The following TRAPPC9 variants were observed in gnomAD, a reference collection of about 807,000 sequenced individuals.
TRAPPC9 encodes the protein IKK2 binding protein.
Under a neutral mutation model 124.0 loss-of-function variants are expected in TRAPPC9, and 83 were observed. That is an observed-to-expected ratio of 0.67 (90% CI 0.56 to 0.80). The LOEUF (loss-of-function observed/expected upper bound fraction) is 0.80. Ranked by LOEUF, TRAPPC9 falls within the 30% of genes least tolerant of loss-of-function variation. TRAPPC9 has a pLI of 0.00. For synonymous variants in TRAPPC9, 638 were observed against 617.5 expected (o/e 1.03, Z -0.49); for missense variants, 1,302 against 1,508.3 (o/e 0.86, Z 2.27).
intron 21 of TRAPPC9, among the ~76,000 whole-genome samples, chr8:139,738,215 G>A (rs1009602692): frequency 5.3e-5 from 8 of 152,340 alleles, no homozygotes; most frequent in African/African-American, 1.7e-4. Context: ...ACGGCAGCCC[G>A]TGGTAGGGGG....
chr8:140,151,854 A>T (rs950108576), intron 17 of TRAPPC9, among the ~76,000 whole-genome samples: 1 of 152,130 alleles, frequency 6.6e-6, no homozygotes, highest in Admixed American at 6.5e-5. Flanking sequence ...TCAAATCTTT[A>T]CCACAACCCT....
intron 21 of TRAPPC9, among the ~76,000 whole-genome samples, chr8:139,780,891 GA>G (rs542922861): frequency 1.1e-4 from 16 of 151,806 alleles, no homozygotes; most frequent in South Asian, 2.1e-4. Flanking sequence ...AAAAAAGAGG[GA>G]AAAAAAGGCA....
At chr8:139,811,869 A>G (rs1213167985) in intron 21 of TRAPPC9, among the ~76,000 whole-genome samples, 1 of 152,222 alleles carries the variant, frequency 6.6e-6, no homozygotes, top group Non-Finnish European at 1.5e-5. Context: ...TCTTTCCTGG[A>G]AAAGCACTAG....
intron 21 of TRAPPC9, among the ~76,000 whole-genome samples, chr8:139,817,614 G>A (rs962901797): frequency 5.9e-5 from 9 of 152,306 alleles, no homozygotes; most frequent in Admixed American, 2.6e-4. Flanking sequence ...GGCAGCAGGC[G>A]CCACGTGGCT....
chr8:140,128,141 G>A (rs2061132208), intron 17 of TRAPPC9, among the ~76,000 whole-genome samples: 1 of 152,162 alleles, frequency 6.6e-6, no homozygotes, highest in Admixed American at 6.5e-5. Context: ...CAATACCAAA[G>A]GCAACAAATG....
intron 17 of TRAPPC9, among the ~76,000 whole-genome samples, chr8:140,205,774 A>C (rs1230652798): frequency 6.6e-6 from 1 of 152,174 alleles, no homozygotes; most frequent in African/African-American, 2.4e-5. Flanking sequence ...CCCCTCCTAC[A>C]GTCTCCATCT....
chr8:140,138,867 T>G (rs2061342939), intron 17 of TRAPPC9, among the ~76,000 whole-genome samples: 1 of 152,016 alleles, frequency 6.6e-6, no homozygotes, highest in Non-Finnish European at 1.5e-5. Context: ...TCAACCCTGA[T>G]CTAGGGAGTG....
At chr8:140,147,269 C>A (rs1458971829) in intron 17 of TRAPPC9, among the ~76,000 whole-genome samples, 1 of 152,246 alleles carries the variant, frequency 6.6e-6, no homozygotes, top group Non-Finnish European at 1.5e-5. Context: ...TGGCAAGAAC[C>A]TCTTTCGATG....
At chr8:140,066,413 T>C (rs983951954) in intron 17 of TRAPPC9, among the ~76,000 whole-genome samples, 3 of 152,090 alleles carry the variant, frequency 2.0e-5, no homozygotes, top group South Asian at 2.1e-4. Context: ...AGAATGGCGA[T>C]TGTGCTGTGT....
At chr8:140,219,598 G>C (rs771826145) in intron 17 of TRAPPC9, among the ~76,000 whole-genome samples, 1 of 152,042 alleles carries the variant, frequency 6.6e-6, no homozygotes, top group Non-Finnish European at 1.5e-5. Flanking sequence ...CTTATAACCC[G>C]CAGCCCAGAA....
At chr8:139,812,974 A>T (rs728369) in intron 21 of TRAPPC9, among the ~76,000 whole-genome samples, 10,660 of 152,292 alleles carry the variant, frequency 0.07, 452 homozygotes, top group East Asian at 0.14. Context: ...TGCAAGCTCC[A>T]CGCCTGGCCC....
intron 20 of TRAPPC9, among the ~76,000 whole-genome samples, chr8:139,892,922 G>C (rs763791057): frequency 2.6e-5 from 4 of 152,178 alleles, no homozygotes; most frequent in Admixed American, 2.0e-4. Context: ...AGGGGCCCTG[G>C]GTGCAGTGTT....
rs1201741138 is a variant in TRAPPC9, at chr8:139,728,661, A to G, written c.*2400T>C. ...CACACACAAGGCCTGACTCCAGGTC[A>G]CCTTCTCTACTGGGACAGAAAGGGT... On this transcript the variant is annotated 3_prime_UTR_variant, in exon 23 of 23. Coordinates refer to ENST00000438773, the MANE Select transcript of TRAPPC9 (RefSeq NM_001160372.4). 6.6e-6 allele frequency among the ~76,000 whole-genome samples: 1 copy of G among 152,140 alleles called. No individual in the cohort carries two copies. The highest frequency in any genetic ancestry group is 2.4e-5 in the African/African-American group (1 of 41,422).
chr8:140,458,386 T>TCACGGTACCCCCCGTGACTCC, upstream of TRAPPC9: 1 of 1,598,452 alleles, frequency 6.3e-7, no homozygotes, highest in Non-Finnish European at 8.5e-7. Context: ...CCTGTGACCC[T>TCACGGTACCCCCCGTGACTCC]CACGGTACCC....
Position 139,889,215 on chromosome 8 carries a change from G to C in TRAPPC9, c.2965-3246C>G, listed in dbSNP as rs375333341. On this transcript the variant is annotated intron_variant, in intron 20 of 22. Transcript: ENST00000438773. ...CAGGTACAACAGGACAAACACCTAT[G>C]ATTCCACCGATCTGAGGCACCTACA... 4.6e-5 allele frequency among the ~76,000 whole-genome samples: 7 copies of C among 152,350 alleles called. No homozygotes were observed. In the East Asian group the frequency reaches 1.4e-3, roughly 29 times the overall value.
intron 17 of TRAPPC9, among the ~76,000 whole-genome samples, chr8:140,214,243 T>A (rs1246279445): frequency 6.6e-6 from 1 of 152,166 alleles, no homozygotes; most frequent in Non-Finnish European, 1.5e-5. Flanking sequence ...TTTAGGCACG[T>A]CATATCCAAC....
At chr8:140,226,611 GAAAAA>G (rs2063459920) in intron 16 of TRAPPC9, among the ~76,000 whole-genome samples, 1 of 143,846 alleles carries the variant, frequency 7.0e-6, no homozygotes, top group South Asian at 2.2e-4. Flanking sequence ...AAAAAAGAAA[GAAAAA>G]GAAAAAGGAA....
Position 140,381,650 on chromosome 8 carries a change from AGAGT to A in TRAPPC9, c.1135-10474_1135-10471del, listed in dbSNP as rs373274817. Among the ~76,000 whole-genome samples the A allele has an allele frequency of 3.0e-3, 392 of 131,464 alleles. 1 individual carries two copies. The highest frequency in any genetic ancestry group is 0.011 in the African/African-American group (375 of 33,626). 86.2% of individuals were successfully genotyped at this position (131,464 alleles called of 152,430 possible). On this transcript the variant is annotated intron_variant, in intron 7 of 22. Coordinates refer to ENST00000438773, the MANE Select transcript of TRAPPC9 (RefSeq NM_001160372.4). ...GCCACTGCACTCCAGCCTGGACAAC[AGAGT>A]GAGACTCTGTCTCAAAAAAAAAAAA...
intron 17 of TRAPPC9, among the ~76,000 whole-genome samples, chr8:140,138,706 G>A: frequency 6.6e-6 from 1 of 152,200 alleles, no homozygotes; most frequent in East Asian, 1.9e-4. Context: ...TAAACCAGCA[G>A]AGATACACAA....
Sources: gnomAD v4.1 joint callset for allele counts (sites outside exome capture counted in the v4.1 genomes callset) on GRCh38, gnomAD v4.1.1 for gene constraint, MANE v1.5 for transcripts, NCBI Gene and HGNC (gene_info 2026-07-23, HGNC 2026-07-21) for gene names.